ALPK3: variants seen among roughly 807,000 people sequenced by gnomAD.
ALPK3 encodes the protein alpha-protein kinase 3.
ALPK3 carries 102 observed loss-of-function variants against 140.0 expected under a neutral mutation model. The ratio of observed to expected loss-of-function variants is 0.73; its 90% CI spans 0.62 to 0.86. The LOEUF is 0.86. Ranked by LOEUF, ALPK3 falls within the 40% of genes least tolerant of loss-of-function variation. The pLI is 0.00. For synonymous variants in ALPK3, 938 were observed against 898.5 expected, an observed-to-expected ratio of 1.04 and a Z score of -0.79; for missense variants, 2,254 against 2,208.2, an observed-to-expected ratio of 1.02 and a Z score of -0.42.
intron 6 of ALPK3, 122 bp from the exon 7 acceptor site, chr15:84,859,106 GGGGCTGTGAGTGGTA>G (rs976344355): frequency 8.4e-7 from 1 of 1,196,230 alleles, no homozygotes; most frequent in Non-Finnish European, 1.2e-6. Flanking sequence ...GAGGCACCGG[GGGGCTGTGAGTGGTA>G]GGTCTGTGTG....
chr15:84,818,598 C>T (rs77882765), intron 1 of ALPK3, among the ~76,000 whole-genome samples: 6,592 of 152,282 alleles, frequency 0.043, 407 homozygotes, highest in East Asian at 0.24. Flanking sequence ...TCTTGTTCTC[C>T]ATTCCTAAAA....
chr15:84,839,861 C>A lies in ALPK3; in HGVS notation c.582C>A (p.Arg194=). 6.2e-7 allele frequency: 1 copy of A among 1,614,072 alleles called. No homozygotes were observed. The highest frequency in any genetic ancestry group is 8.5e-7 in the Non-Finnish European group (1 of 1,180,030). Residue 194 remains arginine (R), a synonymous_variant, in exon 5 of 14, where the codon CGC becomes CGA. Coordinates refer to ENST00000258888, the MANE Select transcript of ALPK3 (RefSeq NM_020778.5). ...KLKRKAAAKL[R]EIEQSWKHEK... ...AGCGCAAGGCTGCGGCAAAGCTGCG[C>A]GAGATCGAGCAGAGCTGGAAGCACG...
Position 84,862,815 on chromosome 15 carries a change from A to C in ALPK3, c.4310A>C (p.Glu1437Ala). 6 of 1,614,102 alleles carry C rather than the reference A, an allele frequency of 3.7e-6. No individual in the cohort carries two copies. Among genetic ancestry groups the C allele is most frequent in the Non-Finnish European group, 5.1e-6 (6 of 1,180,016 alleles). The change falls in exon 10 of 14, where the codon GAG becomes GCG. Residue 1437 changes from glutamate (E) to alanine (A), a missense_variant. Coordinates refer to ENST00000258888, the MANE Select transcript of ALPK3 (RefSeq NM_020778.5). Reference sequence around the variant, plus strand: ...ATCTACGGGCTGGAACCCATCTTCGAGTCGGGCCGCACGTGCATCATCAAG... The same window carrying C: ...ATCTACGGGCTGGAACCCATCTTCGCGTCGGGCCGCACGTGCATCATCAAG... ...KVIYGLEPIFESGRTCIIKVS... is the reference protein window; with the variant it reads ...KVIYGLEPIFASGRTCIIKVS...
intron 5 of ALPK3, among the ~76,000 whole-genome samples, chr15:84,841,254 T>C (rs977225218): frequency 9.9e-5 from 15 of 152,192 alleles, no homozygotes; most frequent in African/African-American, 3.4e-4. Flanking sequence ...GAGAGCTTTC[T>C]GTGGGCTTTG....
In ALPK3 at chr15:84,841,278, G is replaced by C. The variant is rs146764741; in HGVS notation, c.1653+346G>C. 2.3e-3 allele frequency among the ~76,000 whole-genome samples: 345 copies of C among 152,324 alleles called. 2 individuals carry two copies. Among genetic ancestry groups the C allele is most frequent in the African/African-American group, 7.9e-3 (330 of 41,578 alleles). ...CTGTGGGCTTTGCTGAGGCAACAGTGTTTCATGGGGGAGACGGAGGAGCAG... is the reference window on the plus strand; with the variant it reads ...CTGTGGGCTTTGCTGAGGCAACAGTCTTTCATGGGGGAGACGGAGGAGCAG... On this transcript the variant is annotated intron_variant, in intron 5 of 13. Transcript: ENST00000258888.
chr15:84,863,170 C>G (rs1190158300), intron 10 of ALPK3, among the ~76,000 whole-genome samples: 1 of 152,060 alleles, frequency 6.6e-6, no homozygotes, highest in Non-Finnish European at 1.5e-5. Context: ...GAAACCTTCC[C>G]CCTGCCCCAT....
At chr15:84,838,949 G>T (rs754975024) in intron 3 of ALPK3, 31 bp from the exon 4 acceptor site, 1 of 1,597,162 alleles carries the variant, frequency 6.3e-7, no homozygotes, top group South Asian at 1.1e-5. Context: ...AACTGGCCTT[G>T]CTGTAACCCA....
At chr15:84,845,101 C>G (rs1306200397) in intron 5 of ALPK3, among the ~76,000 whole-genome samples, 2 of 151,898 alleles carry the variant, frequency 1.3e-5, no homozygotes, top group Non-Finnish European at 2.9e-5. Flanking sequence ...AAGACCAGAA[C>G]TCAAAGTACC....
intron 9 of ALPK3, among the ~76,000 whole-genome samples, chr15:84,862,335 AAC>A (rs1371859694): frequency 6.6e-6 from 1 of 152,018 alleles, no homozygotes; most frequent in Non-Finnish European, 1.5e-5. Context: ...GCCTTCCACA[AAC>A]ACATCCTGAG....
intron 3 of ALPK3, among the ~76,000 whole-genome samples, chr15:84,832,583 C>T (rs1002090888): frequency 3.9e-5 from 6 of 152,200 alleles, no homozygotes; most frequent in Admixed American, 6.5e-5. Flanking sequence ...CTTGCTCCAT[C>T]CTCCACCACA....
chr15:84,850,914 A>ACACACACACACACACACACC (rs1434291716), intron 5 of ALPK3, among the ~76,000 whole-genome samples: 7 of 149,240 alleles, frequency 4.7e-5, no homozygotes, highest in Admixed American at 2.7e-4. Context: ...ACACACACAC[A>ACACACACACACACACACACC]CCCTCTGTCA....
Position 84,859,115 on chromosome 15 carries a change from A to T in ALPK3, c.3818-128A>T, listed in dbSNP as rs1963906141. ...AGGCAGGAGGCACCGGGGGGCTGTGAGTGGTAGGTCTGTGTGGAGACTTGA... is the reference window on the plus strand; with the variant it reads ...AGGCAGGAGGCACCGGGGGGCTGTGTGTGGTAGGTCTGTGTGGAGACTTGA... On this transcript the variant is annotated intron_variant, in intron 6 of 13. Coordinates refer to ENST00000258888, the MANE Select transcript of ALPK3 (RefSeq NM_020778.5). 3 of 1,281,472 alleles carry T rather than the reference A, an allele frequency of 2.3e-6. No individual in the cohort carries two copies. The East Asian group carries it at 7.5e-5, about 32-fold the overall frequency. 79.4% of individuals were successfully genotyped at this position (1,281,472 alleles called of 1,614,324 possible).
chr15:84,828,101 A>G (rs1285060506), intron 3 of ALPK3, among the ~76,000 whole-genome samples: 1 of 152,170 alleles, frequency 6.6e-6, no homozygotes, highest in Non-Finnish European at 1.5e-5. Context: ...AGCACGTTAT[A>G]TAACCTCTCA....
At position 84,840,116 on chromosome 15, in the gene ALPK3, G is replaced by A; in HGVS notation, c.837G>A (p.Glu279=). 6.2e-7 allele frequency: 1 copy of A among 1,614,154 alleles called. No individual in the cohort carries two copies. Among genetic ancestry groups the A allele is most frequent in the Non-Finnish European group, 8.5e-7 (1 of 1,180,014 alleles). The part of the protein sequence containing the change: ...FASGEVTTNG[E]AAPENGEDGE... ...CTGGAGAAGTGACCACCAACGGGGA[G>A]GCTGCCCCCGAGAATGGAGAGGACG... The change falls in exon 5 of 14, where the codon GAG becomes GAA. Residue 279 remains glutamate (E), a synonymous_variant. Coordinates refer to ENST00000258888, the MANE Select transcript of ALPK3 (RefSeq NM_020778.5).
chr15:84,856,992 A>T lies in ALPK3; in HGVS notation c.2254A>T (p.Asn752Tyr), dbSNP rs781301838. ...TACAGCGGGTCCTAGAGCTCCTCTGAATATTGAATGTTTTGTACAGACCCC... is the reference window on the plus strand; with the variant it reads ...TACAGCGGGTCCTAGAGCTCCTCTGTATATTGAATGTTTTGTACAGACCCC... Reference protein sequence around the residue: ...PPTAGPRAPLNIECFVQTPEG... With the variant: ...PPTAGPRAPLYIECFVQTPEG... The change falls in exon 6 of 14, where the codon AAT becomes TAT. Residue 752 changes from asparagine (N) to tyrosine (Y), a missense_variant. Asn to Tyr is a moderately radical substitution (Grantham distance 143). This residue lies in a region of ALPK3 where 2,088 missense variants were observed against 2,022.9 expected (regional missense o/e 1.03). Transcript: ENST00000258888. 7.4e-6 allele frequency: 12 copies of T among 1,614,140 alleles called. No homozygotes were observed. Among genetic ancestry groups the T allele is most frequent in the Non-Finnish European group, 1.0e-5 (12 of 1,180,020 alleles).
At chr15:84,853,347 T>A (rs1004357304) in intron 5 of ALPK3, among the ~76,000 whole-genome samples, 1 of 152,234 alleles carries the variant, frequency 6.6e-6, no homozygotes, top group Non-Finnish European at 1.5e-5. Context: ...GTGCAGTGAC[T>A]CATGCCTATA....
In ALPK3 at chr15:84,856,255, G is replaced by C. The variant is rs998605691; in HGVS notation, c.1654-137G>C. ...ACATGTCTTTGCCTCCCAACTTCCA[G>C]CAGGCCTGAGAAACCAGGAGGCAAG... On this transcript the variant is annotated intron_variant, in intron 5 of 13. Transcript: ENST00000258888. 1.3e-5 allele frequency: 17 copies of C among 1,274,004 alleles called. No individual in the cohort carries two copies. The South Asian group carries it at 2.5e-4, about 19-fold the overall frequency. The allele number at this position is 1,274,004 out of a possible 1,614,324, so 78.9% of individuals were successfully genotyped here. A position where few individuals can be genotyped will look rare whatever the true frequency, so the allele number is the denominator to read the frequency against.
chr15:84,850,226 T>A (rs553398636), intron 5 of ALPK3, among the ~76,000 whole-genome samples: 1 of 152,166 alleles, frequency 6.6e-6, no homozygotes, highest in Non-Finnish European at 1.5e-5. Context: ...AGGTCCTGGT[T>A]TTGTCCCTTG....
At position 84,858,417 on chromosome 15, in the gene ALPK3, C is replaced by G. The variant is rs1318085881; in HGVS notation, c.3679C>G (p.Pro1227Ala). The change falls in exon 6 of 14, where the codon CCT (proline) becomes GCT (alanine). Residue 1227 changes from proline (P) to alanine (A), a missense_variant. Pro to Ala is a conservative substitution (Grantham distance 27, BLOSUM62 -1). This residue lies in a region of ALPK3 where 2,088 missense variants were observed against 2,022.9 expected (regional missense o/e 1.03). Coordinates refer to ENST00000258888, the MANE Select transcript of ALPK3 (RefSeq NM_020778.5). ...CAGAAAGGCGAGCATGCTGGAGGTG[C>G]CTCGGGCAGAGGAGGAGCTGGCGGC... ...QGRKASMLEV[P>A]RAEEELAAGD... The G allele has an allele frequency of 6.4e-7, 1 of 1,559,240 alleles. No individual in the cohort carries two copies. Among genetic ancestry groups the G allele is most frequent in the Admixed American group, 1.9e-5 (1 of 51,856 alleles).
Sources: gnomAD v4.1 joint callset for allele counts (sites outside exome capture counted in the v4.1 genomes callset) on GRCh38, gnomAD v4.1.1 for gene constraint, gnomAD v4.1.1 regional missense constraint, MANE v1.5 for transcripts, NCBI Gene and HGNC (gene_info 2026-07-23, HGNC 2026-07-21) for gene names.